The following TRAFD1 variants were observed in gnomAD, a reference collection of about 807,000 sequenced individuals.
TRAFD1 encodes the protein TRAF-type zinc finger domain-containing protein 1.
Under a neutral mutation model 65.3 loss-of-function variants are expected in TRAFD1, and 38 were observed. The observed-to-expected ratio is 0.58, with a 90% CI of 0.45 to 0.76. The LOEUF (loss-of-function observed/expected upper bound fraction) is 0.76. Among genes scored for constraint, TRAFD1 ranks in the 30% least tolerant of loss-of-function variants. TRAFD1 has a pLI of 0.00. For missense variants in TRAFD1, 631 were observed against 712.6 expected (o/e 0.89, Z 1.30); for synonymous variants, 223 against 257.2 (o/e 0.87, Z 1.27).
chr12:112,151,181 T>C (rs2030393960), intron 9 of TRAFD1, among the ~76,000 whole-genome samples: 1 of 151,806 alleles, frequency 6.6e-6, no homozygotes. Flanking sequence ...GAGGCTGCAG[T>C]GAGCCAAAAT....
chr12:112,141,919 T>C, intron 5 of TRAFD1, 170 bp from the exon 6 acceptor site: 1 of 658,238 alleles, frequency 1.5e-6, no homozygotes, highest in Non-Finnish European at 2.6e-6. Context: ...GGGCAGACTT[T>C]AATGTTCAAA....
At chr12:112,131,036 TTTTC>T in intron 2 of TRAFD1, among the ~76,000 whole-genome samples, 1 of 152,350 alleles carries the variant, frequency 6.6e-6, no homozygotes, top group South Asian at 2.1e-4. Flanking sequence ...ATCGTTGTCT[TTTTC>T]TTTCTTCTCA....
At position 112,151,915 on chromosome 12, in the gene TRAFD1, T is replaced by C. The variant is rs2030418532; in HGVS notation, c.1394T>C (p.Leu465Pro). The C allele has an allele frequency of 2.5e-6, 4 of 1,614,140 alleles. No homozygotes were observed. In the East Asian group the frequency reaches 8.9e-5, roughly 36 times the overall value. The change falls in exon 10 of 12, where the codon CTA (leucine) becomes CCA (proline). Residue 465 changes from leucine (L) to proline (P), a missense_variant. Coordinates refer to ENST00000412615, the MANE Select transcript of TRAFD1 (RefSeq NM_006700.3). ...INNMTATYNQ[L>P]SRSTSGPRPG... ...AATATGACAGCTACCTATAACCAGC[T>C]ATCGAGATCAACATCAGGCCCCAGA...
intron 1 of TRAFD1, among the ~76,000 whole-genome samples, chr12:112,128,370 A>G (rs2079551526): frequency 1.3e-5 from 2 of 152,114 alleles, no homozygotes; most frequent in South Asian, 2.1e-4. Context: ...AAAAGTGGCA[A>G]CTCGCTTGAT....
chr12:112,148,363 A>G (rs934413239), intron 8 of TRAFD1, 59 bp downstream of exon 8: 46 of 1,429,968 alleles, frequency 3.2e-5, no homozygotes, highest in Non-Finnish European at 4.2e-5. Flanking sequence ...AGGCTTCCAG[A>G]GCTGAGAACA....
chr12:112,133,065 T>C lies in TRAFD1; in HGVS notation c.48-1673T>C, dbSNP rs188358089. 2.6e-5 allele frequency: 4 copies of C among 152,372 alleles called. No individual in the cohort carries two copies. In the East Asian group the frequency reaches 7.7e-4, roughly 29 times the overall value. 9.4% of individuals were successfully genotyped at this position (152,372 alleles called of 1,614,324 possible). On this transcript the variant is annotated intron_variant, in intron 2 of 11. Transcript: ENST00000412615. ...AGAATGTACCTTTAGTTCGAGTACA[T>C]GTATAATCTTTTCATGTTTAAATGG...
intron 1 of TRAFD1, among the ~76,000 whole-genome samples, chr12:112,129,273 C>T (rs1415757696): frequency 2.1e-5 from 3 of 143,956 alleles, no homozygotes; most frequent in Non-Finnish European, 4.5e-5. Context: ...ACAATCACTG[C>T]TCACTGCAGC....
Position 112,151,943 on chromosome 12 carries a change from T to C in TRAFD1, c.1422T>C (p.Pro474=). Residue 474 remains proline, a synonymous_variant, in exon 10 of 12, where the codon CCT becomes CCC. Transcript: ENST00000412615. ...QLSRSTSGPR[P]GCQPSSPCVP... ...CGAGATCAACATCAGGCCCCAGACC[T>C]GGGTGCCAGCCCAGCTCTCCTTGTG... 1 of 1,614,238 alleles carries C rather than the reference T, an allele frequency of 6.2e-7. No individual in the cohort carries two copies. The highest frequency in any genetic ancestry group is 2.2e-5 in the East Asian group (1 of 44,892).
In TRAFD1 at chr12:112,130,462, T is replaced by C; in HGVS notation, c.-12-49T>C. 1 of 1,498,840 alleles carries C rather than the reference T, an allele frequency of 6.7e-7. No individual in the cohort carries two copies. The highest frequency in any genetic ancestry group is 9.3e-7 in the Non-Finnish European group (1 of 1,080,932). 92.8% of individuals were successfully genotyped at this position (1,498,840 alleles called of 1,614,324 possible). On this transcript the variant is annotated intron_variant, in intron 1 of 11. Transcript: ENST00000412615. This position sits in a 1 kb window ranked among gnomAD's most constrained non-coding sequence, Gnocchi z 4.4. ...TATTTGTTTTTTTGCATGTCATCTT[T>C]AAAGCAGAAATGAAAGAGAAAGTTC...
chr12:112,129,762 C>G (rs1471885315), intron 1 of TRAFD1, among the ~76,000 whole-genome samples: 2 of 151,904 alleles, frequency 1.3e-5, no homozygotes, highest in Non-Finnish European at 2.9e-5. Context: ...CCTGCCTCAG[C>G]CTCGCGAGTA....
intron 4 of TRAFD1, among the ~76,000 whole-genome samples, chr12:112,139,827 C>A (rs1378381332): frequency 6.6e-6 from 1 of 152,028 alleles, no homozygotes; most frequent in Non-Finnish European, 1.5e-5. Context: ...GGTGAAACCC[C>A]TTCGGTGCTA....
intron 9 of TRAFD1, among the ~76,000 whole-genome samples, chr12:112,151,585 A>T (rs992792552): frequency 6.6e-6 from 1 of 151,140 alleles, no homozygotes; most frequent in Non-Finnish European, 1.5e-5. Context: ...TTTAGTAGAG[A>T]TGGAATTTCA....
At chr12:112,134,983 C>G in intron 3 of TRAFD1, 30 bp from the exon 4 acceptor site, 1 of 1,614,166 alleles carries the variant, frequency 6.2e-7, no homozygotes, top group Non-Finnish European at 8.5e-7. Context: ...GTCCCAAAGC[C>G]AATTTACTGA....
chr12:112,153,493 C>T lies in TRAFD1; in HGVS notation c.*702C>T, dbSNP rs2030468657. ...GGTATGTTGGGCTCTGCCCCAGCCCCACACTTGCTCTGAAAACCAAGTGTC... is the reference window on the plus strand; with the variant it reads ...GGTATGTTGGGCTCTGCCCCAGCCCTACACTTGCTCTGAAAACCAAGTGTC... On this transcript the variant is annotated 3_prime_UTR_variant, in exon 12 of 12. Transcript: ENST00000412615. 1.3e-5 allele frequency: 2 copies of T among 152,204 alleles called. No individual in the cohort carries two copies. Among genetic ancestry groups the T allele is most frequent in the Non-Finnish European group, 2.9e-5 (2 of 68,040 alleles). The allele number at this position is 152,204 out of a possible 1,614,324, so 9.4% of individuals were successfully genotyped here.
chr12:112,145,455 C>T (rs2030212128), intron 6 of TRAFD1, 131 bp from the exon 7 acceptor site: 1 of 836,420 alleles, frequency 1.2e-6, no homozygotes, highest in South Asian at 1.8e-5. Context: ...TATACAGCCC[C>T]ACAAATTGCT....
Position 112,152,888 on chromosome 12 carries a change from G to C in TRAFD1, c.*97G>C. On this transcript the variant is annotated 3_prime_UTR_variant, in exon 12 of 12. Coordinates refer to ENST00000412615, the MANE Select transcript of TRAFD1 (RefSeq NM_006700.3). This position sits in a 1 kb window ranked among gnomAD's most constrained non-coding sequence, Gnocchi z 5.0. ...CCTCTTTGGCTCTTTGGGTGGGAGAGTTTTTCCAGATTTTAGATTTTTCTA... is the reference window on the plus strand; with the variant it reads ...CCTCTTTGGCTCTTTGGGTGGGAGACTTTTTCCAGATTTTAGATTTTTCTA... The C allele has an allele frequency of 4.2e-6, 6 of 1,424,252 alleles. No individual in the cohort carries two copies. The highest frequency in any genetic ancestry group is 5.8e-6 in the Non-Finnish European group (6 of 1,038,308). 88.2% of individuals were successfully genotyped at this position (1,424,252 alleles called of 1,614,324 possible).
chr12:112,145,586 G>T lies in TRAFD1; in HGVS notation c.851G>T (p.Gly284Val). The change falls in exon 7 of 12, where the codon GGT becomes GTT. Residue 284 changes from glycine (G) to valine (V), a missense_variant and splice_region_variant. Coordinates refer to ENST00000412615, the MANE Select transcript of TRAFD1 (RefSeq NM_006700.3). Reference protein sequence around the residue: ...GGPRSLSDIKGAADEIMLPCE... With the variant: ...GGPRSLSDIKVAADEIMLPCE... ...TCTCATTGTGTGGCCTAATACCTAG[G>T]TGCAGCTGACGAGATCATGTTGCCT... The T allele has an allele frequency of 6.2e-7, 1 of 1,614,062 alleles. No individual in the cohort carries two copies. Among genetic ancestry groups the T allele is most frequent in the Non-Finnish European group, 8.5e-7 (1 of 1,179,998 alleles).
At chr12:112,132,878 G>T (rs376648865) in intron 2 of TRAFD1, among the ~76,000 whole-genome samples, 1 of 152,050 alleles carries the variant, frequency 6.6e-6, no homozygotes, top group South Asian at 2.1e-4. Context: ...GGCAAAATAT[G>T]GTATTAAATA....
Position 112,152,550 on chromosome 12 carries a change from G to A in TRAFD1, c.1692+51G>A. ...CTCAGTGGGGGACTCAGACATGGTGGGGCTTGTGTGGCTCCTGAAGTTGTA... is the reference window on the plus strand; with the variant it reads ...CTCAGTGGGGGACTCAGACATGGTGAGGCTTGTGTGGCTCCTGAAGTTGTA... On this transcript the variant is annotated intron_variant, in intron 11 of 11. Transcript: ENST00000412615. The surrounding 1 kb of genome is among the most constrained non-coding windows in gnomAD (Gnocchi z 5.0). 6.2e-7 allele frequency: 1 copy of A among 1,607,828 alleles called. No homozygotes were observed. The highest frequency in any genetic ancestry group is 8.5e-7 in the Non-Finnish European group (1 of 1,174,876).
Sources: gnomAD v4.1 joint callset for allele counts (sites outside exome capture counted in the v4.1 genomes callset) on GRCh38, gnomAD v4.1.1 for gene constraint, Gnocchi (gnomAD v3.1) non-coding constraint, MANE v1.5 for transcripts, NCBI Gene and HGNC (gene_info 2026-07-23, HGNC 2026-07-21) for gene names.